The following ADGRD1 variants were observed in gnomAD, a reference collection of about 807,000 sequenced individuals.
ADGRD1 encodes the protein adhesion G protein-coupled receptor D1.
A neutral mutation model predicts 113.4 loss-of-function variants in ADGRD1; 77 were observed. The ratio of observed to expected loss-of-function variants is 0.68; its 90% CI spans 0.57 to 0.82. ADGRD1 has a LOEUF of 0.82. Among genes scored for constraint, ADGRD1 ranks in the 40% least tolerant of loss-of-function variants. ADGRD1 has a pLI of 0.00. For synonymous variants in ADGRD1, 474 were observed against 475.0 expected, an observed-to-expected ratio of 1.00 and a Z score of 0.03; for missense variants, 1,036 against 1,139.1, an observed-to-expected ratio of 0.91 and a Z score of 1.30.
intron 5 of ADGRD1, 32 bp from the exon 6 acceptor site, chr12:130,987,060 CAGT>C: frequency 6.2e-7 from 1 of 1,602,110 alleles, no homozygotes; most frequent in Non-Finnish European, 8.6e-7. Flanking sequence ...CTCATTCCCA[CAGT>C]ACTCAGAATG....
chr12:130,976,154 T>A (rs1420133535), intron 4 of ADGRD1, among the ~76,000 whole-genome samples: 2 of 152,144 alleles, frequency 1.3e-5, no homozygotes, highest in Non-Finnish European at 2.9e-5. Flanking sequence ...CTAAGATACT[T>A]GCAGGTGGAG....
intron 20 of ADGRD1, among the ~76,000 whole-genome samples, chr12:131,130,785 G>A (rs897442355): frequency 6.6e-5 from 10 of 152,020 alleles, no homozygotes; most frequent in African/African-American, 1.5e-4. Context: ...CATCCCGTGC[G>A]GGGCCCCAGT....
intron 15 of ADGRD1, among the ~76,000 whole-genome samples, chr12:131,102,320 C>T (rs1034949450): frequency 1.8e-4 from 28 of 152,174 alleles, no homozygotes; most frequent in Non-Finnish European, 2.5e-4. Flanking sequence ...TTTCCATTGC[C>T]GAGAATGCTG....
chr12:131,136,046 C>T lies in ADGRD1; in HGVS notation c.2277C>T (p.Ala759=). Residue 759 remains alanine, a synonymous_variant, in exon 22 of 25, where the codon GCC becomes GCT. Coordinates refer to ENST00000261654, the MANE Select transcript of ADGRD1 (RefSeq NM_198827.5). ...HGDPSAFKLT[A]KAVAVLLPIL... ...CACTGTTTCTCTCCAGGTTGACAGC[C>T]AAGGCAGTGGCCGTGCTGCTGCCCA... 6.2e-7 allele frequency: 1 copy of T among 1,614,134 alleles called. No individual in the cohort carries two copies. Among genetic ancestry groups the T allele is most frequent in the Non-Finnish European group, 8.5e-7 (1 of 1,179,980 alleles).
Position 131,022,499 on chromosome 12 carries a change from T to C in ADGRD1, c.1473+8159T>C, listed in dbSNP as rs1254794079. 1.3e-5 allele frequency among the ~76,000 whole-genome samples: 2 copies of C among 152,246 alleles called. No homozygotes were observed. Among genetic ancestry groups the C allele is most frequent in the Non-Finnish European group, 2.9e-5 (2 of 68,046 alleles). On this transcript the variant is annotated intron_variant, in intron 13 of 24. Coordinates refer to ENST00000261654, the MANE Select transcript of ADGRD1 (RefSeq NM_198827.5). The surrounding 1 kb of genome is among the most constrained non-coding windows in gnomAD (Gnocchi z 4.6). The stretch of plus-strand genomic sequence containing the variant: ...TGTGATAAGTACAAACCGTGATTTA[T>C]TTATTCAGTTGCTGGTGTTGCTATG...
At position 130,968,926 on chromosome 12, in the gene ADGRD1, T is replaced by C. The variant is rs918261137; in HGVS notation, c.187+2380T>C. On this transcript the variant is annotated intron_variant, in intron 3 of 24. Transcript: ENST00000261654. ...TTGAGAGATATGTTGGTCCCATTTG[T>C]CTTTTGTCTCACTCACTTGCTGTGC... 1.5e-5 allele frequency: 15 copies of C among 1,032,010 alleles called. No homozygotes were observed. The Admixed American group carries it at 2.6e-4, about 18-fold the overall frequency. 63.9% of individuals were successfully genotyped at this position (1,032,010 alleles called of 1,614,324 possible).
chr12:131,137,343 T>G (rs571577664), intron 23 of ADGRD1, among the ~76,000 whole-genome samples: 35 of 152,340 alleles, frequency 2.3e-4, no homozygotes, highest in African/African-American at 8.2e-4. Context: ...AAGGAGGACT[T>G]CTGTCCACGG....
intron 13 of ADGRD1, among the ~76,000 whole-genome samples, chr12:131,034,660 C>T (rs1040890997): frequency 6.6e-6 from 1 of 152,188 alleles, no homozygotes; most frequent in African/African-American, 2.4e-5. Flanking sequence ...TGGCATATGA[C>T]AGGGTCTCCA....
intron 13 of ADGRD1, among the ~76,000 whole-genome samples, chr12:131,033,752 G>A (rs1881066588): frequency 6.6e-6 from 1 of 152,214 alleles, no homozygotes; most frequent in Non-Finnish European, 1.5e-5. Flanking sequence ...GCCCAACCAG[G>A]GCTGCACAGC....
intron 8 of ADGRD1, 131 bp downstream of exon 8, chr12:130,992,523 C>A (rs1874554952): frequency 2.4e-6 from 2 of 821,808 alleles, no homozygotes; most frequent in Non-Finnish European, 3.8e-6. Flanking sequence ...GGGTTTCAGG[C>A]TTCTCATGAA....
chr12:130,997,827 C>T lies in ADGRD1; in HGVS notation c.967-2556C>T, dbSNP rs1437567631. ...GGCGGCCGGGCAGAGGCTGCAATCT[C>T]GGCACTTTGGGAGGCCAAGGCAGGC... On this transcript the variant is annotated intron_variant, in intron 8 of 24. Coordinates refer to ENST00000261654, the MANE Select transcript of ADGRD1 (RefSeq NM_198827.5). Among the ~76,000 whole-genome samples the T allele has an allele frequency of 5.3e-5, 8 of 152,042 alleles. No individual in the cohort carries two copies. The East Asian group carries it at 7.7e-4, about 15-fold the overall frequency.
chr12:131,067,049 G>C (rs145861105), intron 13 of ADGRD1, among the ~76,000 whole-genome samples: 5 of 152,252 alleles, frequency 3.3e-5, no homozygotes, highest in African/African-American at 1.2e-4. Flanking sequence ...GCTCAGGATA[G>C]GAGTGGAGGA....
At chr12:130,970,708 G>C (rs4759815) in intron 3 of ADGRD1, 121,020 of 152,204 alleles carry the variant, frequency 0.8, 51,810 homozygotes, top group East Asian at 0.95. Context: ...TTCTGTAAAC[G>C]ATTTACCCCA....
In ADGRD1 at chr12:130,954,655, A is replaced by G; in HGVS notation, c.98A>G (p.His33Arg). The G allele has an allele frequency of 6.2e-7, 1 of 1,613,086 alleles. No homozygotes were observed. Among genetic ancestry groups the G allele is most frequent in the South Asian group, 1.1e-5 (1 of 91,030 alleles). ...GGCGTCTACTCCAGATCGCAGGACC[A>G]TCCAGGTAAGAGTGTTTCCTTCTCA... is the stretch of plus-strand genomic sequence containing the variant. ...VRGVYSRSQDHPGFQVLASAS... is the reference protein window; with the variant it reads ...VRGVYSRSQDRPGFQVLASAS... The change falls in exon 2 of 25, where the codon CAT (histidine) becomes CGT (arginine). Residue 33 changes from histidine (H) to arginine (R), a missense_variant. Coordinates refer to ENST00000261654, the MANE Select transcript of ADGRD1 (RefSeq NM_198827.5). This position sits in a 1 kb window ranked among gnomAD's most constrained non-coding sequence, Gnocchi z 4.7.
At position 130,965,015 on chromosome 12, in the gene ADGRD1, G is replaced by A. The variant is rs547584109; in HGVS notation, c.104-1448G>A. Among the ~76,000 whole-genome samples the A allele has an allele frequency of 2.6e-5, 4 of 152,056 alleles. No homozygotes were observed. Among genetic ancestry groups the A allele is most frequent in the Admixed American group, 6.5e-5 (1 of 15,276 alleles). Reference sequence around the variant, plus strand: ...AAAGTATAGTTTACGACATTGAGTCGGCTTTTCCAAGAATAGGTTGAATCC... The same window carrying A: ...AAAGTATAGTTTACGACATTGAGTCAGCTTTTCCAAGAATAGGTTGAATCC... On this transcript the variant is annotated intron_variant, in intron 2 of 24. Transcript: ENST00000261654. This position sits in a 1 kb window ranked among gnomAD's most constrained non-coding sequence, Gnocchi z 4.8.
intron 19 of ADGRD1, 147 bp from the exon 20 acceptor site, chr12:131,120,700 C>T (rs909480635): frequency 5.0e-5 from 38 of 767,446 alleles, no homozygotes; most frequent in African/African-American, 4.9e-4. Flanking sequence ...GATAAAAATA[C>T]ATTTGCAGGG....
At position 131,050,951 on chromosome 12, in the gene ADGRD1, G is replaced by A. The variant is rs574577290; in HGVS notation, c.1474-25850G>A. 2.7e-3 allele frequency among the ~76,000 whole-genome samples: 414 copies of A among 152,312 alleles called. 2 individuals carry two copies. The highest frequency in any genetic ancestry group is 9.4e-3 in the African/African-American group (391 of 41,566). Reference sequence around the variant, plus strand: ...CTGCTTGCCCACCGCTCTGTGTGCTGTGTGCCCGGTTCCTAACAGGCCACG... The same window carrying A: ...CTGCTTGCCCACCGCTCTGTGTGCTATGTGCCCGGTTCCTAACAGGCCACG... On this transcript the variant is annotated intron_variant, in intron 13 of 24. Transcript: ENST00000261654. This position sits in a 1 kb window ranked among gnomAD's most constrained non-coding sequence, Gnocchi z 4.8.
chr12:130,972,875 C>T lies in ADGRD1; in HGVS notation c.310+1295C>T, dbSNP rs12822560. 9.3e-3 allele frequency among the ~76,000 whole-genome samples: 1,419 copies of T among 152,066 alleles called. 12 individuals are homozygous for T. Among genetic ancestry groups the T allele is most frequent in the Middle Eastern group, 0.014 (4 of 294 alleles). Reference sequence around the variant, plus strand: ...CAGGGGTTCCAATGCCTGGGACTATCACAGATAATGAACCCAAGAAAGGAG... The same window carrying T: ...CAGGGGTTCCAATGCCTGGGACTATTACAGATAATGAACCCAAGAAAGGAG... On this transcript the variant is annotated intron_variant, in intron 4 of 24. Transcript: ENST00000261654.
chr12:131,001,101 A>G (rs552382314), intron 9 of ADGRD1, among the ~76,000 whole-genome samples: 44 of 152,122 alleles, frequency 2.9e-4, no homozygotes, highest in African/African-American at 9.9e-4. Flanking sequence ...TTTCTTTACC[A>G]TCCCATCATT....
Sources: allele counts gnomAD v4.1 joint callset (sites outside exome capture counted in the v4.1 genomes callset), GRCh38; gene constraint gnomAD v4.1.1; non-coding constraint Gnocchi (gnomAD v3.1); transcripts MANE v1.5; gene names NCBI Gene and HGNC (gene_info 2026-07-23, HGNC 2026-07-21).